Variants in CTNNA2 observed in about 807,000 individuals in gnomAD.
CTNNA2 encodes catenin alpha-2.
In CTNNA2, 42 loss-of-function variants were observed where a neutral mutation model predicts 101.0. That is an observed-to-expected ratio of 0.42 (90% CI 0.32 to 0.54). The LOEUF (loss-of-function observed/expected upper bound fraction) is 0.54, where lower values mean the gene tolerates loss of function less well. CTNNA2 is among the 20% of genes least tolerant of loss of function. The pLI is 0.14. For missense variants in CTNNA2, 871 were observed against 1,223.1 expected (o/e 0.71, Z 4.29); for synonymous variants, 450 against 456.4 (o/e 0.99, Z 0.18).
chr2:80,325,947 C>T (rs1679200912), intron 7 of CTNNA2, among the ~76,000 whole-genome samples: 1 of 152,138 alleles, frequency 6.6e-6, no homozygotes, highest in African/African-American at 2.4e-5. Context: ...TTATCAACCC[C>T]ACCCTTGTGA....
intron 7 of CTNNA2, among the ~76,000 whole-genome samples, chr2:80,335,930 C>T (rs1358276611): frequency 6.6e-6 from 1 of 152,126 alleles, no homozygotes; most frequent in Non-Finnish European, 1.5e-5. Context: ...CTTGTTCATG[C>T]CACACTGGGA....
intron 3 of CTNNA2, among the ~76,000 whole-genome samples, chr2:79,857,064 C>G (rs1208964787): frequency 6.6e-6 from 1 of 152,240 alleles, no homozygotes. Flanking sequence ...CCCCCTTCCT[C>G]ATGGGTTCTT....
chr2:80,464,989 A>C (rs77999727), intron 9 of CTNNA2, among the ~76,000 whole-genome samples: 2,318 of 152,246 alleles, frequency 0.015, 60 homozygotes, highest in African/African-American at 0.052. Flanking sequence ...AAACCCTCAT[A>C]AATACTAATT....
chr2:80,521,845 CAGT>C (rs1489694949), intron 9 of CTNNA2, among the ~76,000 whole-genome samples: 2 of 152,144 alleles, frequency 1.3e-5, no homozygotes, highest in Admixed American at 6.6e-5. Context: ...TAATTTTTAA[CAGT>C]AGCAGTAGGA....
intron 6 of CTNNA2, among the ~76,000 whole-genome samples, chr2:79,905,722 C>T (rs1470720399): frequency 6.6e-6 from 1 of 152,150 alleles, no homozygotes; most frequent in Non-Finnish European, 1.5e-5. Flanking sequence ...GTATGGAGAA[C>T]TGAGGCCTGT....
intron 3 of CTNNA2, among the ~76,000 whole-genome samples, chr2:79,796,757 T>A (rs536245625): frequency 6.6e-6 from 1 of 152,294 alleles, no homozygotes; most frequent in South Asian, 2.1e-4. Flanking sequence ...TGGCACAGTG[T>A]GATCAAAGCG....
intron 6 of CTNNA2, among the ~76,000 whole-genome samples, chr2:79,881,556 C>T (rs1558608256): frequency 6.6e-6 from 1 of 152,152 alleles, no homozygotes; most frequent in East Asian, 1.9e-4. Flanking sequence ...GTACCCTTCA[C>T]CATTATGTAA....
At position 80,079,828 on chromosome 2, in the gene CTNNA2, TAAATAAAATAAAATAAAATAAAATA is replaced by T. The variant is rs61063068; in HGVS notation, c.1056+170063_1056+170087del. On this transcript the variant is annotated intron_variant, in intron 7 of 18. Coordinates refer to ENST00000402739, the MANE Select transcript of CTNNA2 (RefSeq NM_001282597.3). ...ACTCCGTCTCAAAAATAAAATAAAA[TAAATAAAATAAAATAAAATAAAATA>T]AAATAAAATAAAATAAAATAAAATA... Among the ~76,000 whole-genome samples the T allele has an allele frequency of 7.9e-3, 954 of 120,098 alleles. 13 individuals are homozygous for T. Among genetic ancestry groups the T allele is most frequent in the African/African-American group, 0.027 (856 of 31,580 alleles). The allele number at this position is 120,098 out of a possible 152,430, so 78.8% of individuals were successfully genotyped here. A position where few individuals can be genotyped will look rare whatever the true frequency, so the allele number is the denominator to read the frequency against.
intron 9 of CTNNA2, among the ~76,000 whole-genome samples, chr2:80,433,082 G>A (rs552111214): frequency 2.6e-5 from 4 of 152,226 alleles, no homozygotes; most frequent in African/African-American, 9.6e-5. Flanking sequence ...ACAACACTCA[G>A]CTAAAGAGGC....
At chr2:80,268,261 C>T (rs577389439) in intron 7 of CTNNA2, among the ~76,000 whole-genome samples, 1 of 152,218 alleles carries the variant, frequency 6.6e-6, no homozygotes, top group African/African-American at 2.4e-5. Flanking sequence ...TGGGTACCGG[C>T]TGGACGGGTG....
chr2:79,353,161 T>A lies in CTNNA2; in HGVS notation c.-317-20670T>A, dbSNP rs115385861. 6.5e-3 allele frequency among the ~76,000 whole-genome samples: 988 copies of A among 152,334 alleles called. 6 individuals carry two copies. Among genetic ancestry groups the A allele is most frequent in the African/African-American group, 0.023 (941 of 41,580 alleles). On this transcript the variant is annotated intron_variant, in intron 3 of 21. Coordinates refer to the CTNNA2 transcript ENST00000466387. ...CAGAGCCAAACCATATCAACTGCTT[T>A]AACTGCATTCCAAATATTTTGGTAT...
intron 18 of CTNNA2, among the ~76,000 whole-genome samples, chr2:80,632,145 G>A (rs1483553751): frequency 6.6e-6 from 1 of 152,048 alleles, no homozygotes; most frequent in East Asian, 1.9e-4. Context: ...TTTGTACAGC[G>A]AATCCCAGCA....
chr2:80,582,817 C>T (rs146057887), intron 14 of CTNNA2, among the ~76,000 whole-genome samples: 5 of 152,022 alleles, frequency 3.3e-5, no homozygotes, highest in East Asian at 1.9e-4. Context: ...AATTGGGAAA[C>T]GCCAGAAAGC....
chr2:79,878,447 T>C (rs1316941275), intron 6 of CTNNA2, among the ~76,000 whole-genome samples: 1 of 152,220 alleles, frequency 6.6e-6, no homozygotes, highest in East Asian at 1.9e-4. Flanking sequence ...TGTAAAAGCG[T>C]ACCTGTTTCT....
At chr2:80,232,015 A>G (rs1475707373) in intron 7 of CTNNA2, among the ~76,000 whole-genome samples, 1 of 152,188 alleles carries the variant, frequency 6.6e-6, no homozygotes, top group African/African-American at 2.4e-5. Context: ...AGTCATTTCT[A>G]TCAATTCCAG....
At chr2:80,123,421 A>G (rs1199701928) in intron 7 of CTNNA2, among the ~76,000 whole-genome samples, 1 of 151,296 alleles carries the variant, frequency 6.6e-6, no homozygotes, top group Non-Finnish European at 1.5e-5. Flanking sequence ...AAGAGGATGG[A>G]GAACATTTGA....
intron 7 of CTNNA2, among the ~76,000 whole-genome samples, chr2:80,279,608 T>C (rs534577209): frequency 6.6e-6 from 1 of 152,270 alleles, no homozygotes; most frequent in African/African-American, 2.4e-5. Flanking sequence ...GCTTATTGCT[T>C]TGATGGCACC....
rs551233075 is a variant in CTNNA2 at position 80,265,061 on chromosome 2, G to A, written c.1057-128150G>A. Among the ~76,000 whole-genome samples, 281 of 149,160 alleles carry A rather than the reference G, an allele frequency of 1.9e-3. 1 individual carries two copies. The highest frequency in any genetic ancestry group is 3.2e-3 in the Non-Finnish European group (215 of 67,544). On this transcript the variant is annotated intron_variant, in intron 7 of 18. Transcript: ENST00000402739. Reference sequence around the variant, plus strand: ...GCAATCTTGGCTCACTGCAACCTCCGCCTCCTGGGTTCAAGCAATTCTCCT... The same window carrying A: ...GCAATCTTGGCTCACTGCAACCTCCACCTCCTGGGTTCAAGCAATTCTCCT...
chr2:79,485,037 A>T (rs1671144262), intron 4 of CTNNA2, among the ~76,000 whole-genome samples: 1 of 152,332 alleles, frequency 6.6e-6, no homozygotes. Context: ...TACCATAGAT[A>T]GCCATCAGTT....
Sources: gnomAD v4.1 joint callset for allele counts (sites outside exome capture counted in the v4.1 genomes callset) on GRCh38, gnomAD v4.1.1 for gene constraint, MANE v1.5 for transcripts, NCBI Gene and HGNC (gene_info 2026-07-23, HGNC 2026-07-21) for gene names.